CFAP61: variants seen among roughly 807,000 people sequenced by gnomAD.
The protein encoded by CFAP61 is cilia and flagella associated protein 61, also known as cilia- and flagella-associated protein 61.
Under a neutral mutation model 135.6 loss-of-function variants are expected in CFAP61, and 107 were observed. The observed-to-expected ratio is 0.79, with a 90% CI of 0.67 to 0.93. CFAP61 has a LOEUF of 0.93. Among genes scored for constraint, CFAP61 ranks in the 40% least tolerant of loss-of-function variants. The probability of loss-of-function intolerance (pLI) is 0.00; values close to 1 mark genes in which losing one functional copy is unlikely to be tolerated. For missense variants in CFAP61, 1,507 were observed against 1,556.2 expected, an observed-to-expected ratio of 0.97 and a Z score of 0.53; for synonymous variants, 575 against 578.5, an observed-to-expected ratio of 0.99 and a Z score of 0.09.
At chr20:20,296,034 T>G (rs879174969) in intron 24 of CFAP61, among the ~76,000 whole-genome samples, 1 of 31,994 alleles carries the variant, frequency 3.1e-5, no homozygotes, top group African/African-American at 1.2e-4. Context: ...TTCTTTCTTT[T>G]CTTCCTCCCT....
rs114023533 is a variant in CFAP61 at position 20,277,326 on chromosome 20, C to T, written c.2664C>T (p.Asp888=). The T allele has an allele frequency of 2.9e-5, 47 of 1,614,124 alleles. No homozygotes were observed. The African/African-American group carries it at 5.7e-4, about 20-fold the overall frequency. The change falls in exon 22 of 27, where the codon GAC becomes GAT. Residue 888 remains aspartate, a synonymous_variant. Transcript: ENST00000245957. Reference sequence around the variant, plus strand: ...ACTCGGTGGAGAGCGCCGTGGCGGACGCGCTAGGAGCCGCCGGAGTCACTA... The same window carrying T: ...ACTCGGTGGAGAGCGCCGTGGCGGATGCGCTAGGAGCCGCCGGAGTCACTA... ...NNYSVESAVA[D]ALGAAGVTMY... is the part of the protein sequence containing the mutation.
intron 25 of CFAP61, among the ~76,000 whole-genome samples, chr20:20,328,114 A>G (rs1186869967): frequency 6.6e-6 from 1 of 152,214 alleles, no homozygotes; most frequent in Non-Finnish European, 1.5e-5. Flanking sequence ...GAATAAAAAG[A>G]AGGCCAGCGT....
chr20:20,224,366 C>G (rs1481755348), intron 17 of CFAP61, among the ~76,000 whole-genome samples: 1 of 152,158 alleles, frequency 6.6e-6, no homozygotes, highest in East Asian at 1.9e-4. Flanking sequence ...CCCGCAACCC[C>G]CAAGCTCAAC....
intron 25 of CFAP61, among the ~76,000 whole-genome samples, chr20:20,337,302 A>G (rs202185021): frequency 0.01 from 675 of 65,466 alleles, 113 homozygotes; most frequent in East Asian, 0.051. Flanking sequence ...AGATGGATGG[A>G]TGGATGGATG....
At position 20,354,760 on chromosome 20, in the gene CFAP61, A is replaced by G. The variant is rs55706554; in HGVS notation, c.3514-5450A>G. 2.2e-5 allele frequency among the ~76,000 whole-genome samples: 3 copies of G among 134,652 alleles called. No individual in the cohort carries two copies. The East Asian group carries it at 7.1e-4, about 32-fold the overall frequency. 88.3% of individuals were successfully genotyped at this position (134,652 alleles called of 152,430 possible). A position where few individuals can be genotyped will look rare whatever the true frequency, so the allele number is the denominator to read the frequency against. ...GAGAGAAAAAGTAATCATACTGTGA[A>G]AGGGAGGTGGTCACGCTGAGAGGGG... On this transcript the variant is annotated intron_variant, in intron 26 of 26. Coordinates refer to ENST00000245957, the MANE Select transcript of CFAP61 (RefSeq NM_015585.4).
intron 9 of CFAP61, among the ~76,000 whole-genome samples, chr20:20,156,992 T>A (rs1275152881): frequency 1.3e-5 from 2 of 152,190 alleles, no homozygotes; most frequent in Non-Finnish European, 1.5e-5. Context: ...AAAATTTATA[T>A]GAAAATGGAG....
intron 10 of CFAP61, among the ~76,000 whole-genome samples, chr20:20,159,652 C>G (rs2053235625): frequency 6.6e-6 from 1 of 152,156 alleles, no homozygotes; most frequent in African/African-American, 2.4e-5. Flanking sequence ...CTTCTGTATC[C>G]TCTGCATGGC....
chr20:20,070,401 C>A (rs2045620378), intron 2 of CFAP61, among the ~76,000 whole-genome samples: 1 of 152,124 alleles, frequency 6.6e-6, no homozygotes, highest in Non-Finnish European at 1.5e-5. Flanking sequence ...ACCCATTCAT[C>A]CTAGTTTGCC....
intron 25 of CFAP61, among the ~76,000 whole-genome samples, chr20:20,334,540 G>T (rs1016671160): frequency 6.6e-6 from 1 of 152,198 alleles, no homozygotes; most frequent in Non-Finnish European, 1.5e-5. Flanking sequence ...GATTTCTGCT[G>T]AAAATTAGAA....
intron 17 of CFAP61, among the ~76,000 whole-genome samples, chr20:20,214,660 C>T (rs1013288900): frequency 5.3e-5 from 8 of 152,330 alleles, no homozygotes; most frequent in Middle Eastern, 3.4e-3. Flanking sequence ...ATTTCAACCC[C>T]AAGTCACACA....
intron 15 of CFAP61, among the ~76,000 whole-genome samples, chr20:20,195,220 C>T (rs990457630): frequency 1.3e-5 from 2 of 152,184 alleles, no homozygotes; most frequent in Non-Finnish European, 2.9e-5. Flanking sequence ...CCTCGAGGAG[C>T]TTGGCCACAG....
intron 6 of CFAP61, chr20:20,085,645 A>C: frequency 1.7e-6 from 1 of 579,316 alleles, no homozygotes; most frequent in South Asian, 1.6e-5. Flanking sequence ...ACAGAGTAAT[A>C]TTTCTGTGTC....
At chr20:20,107,865 A>G (rs1233801862) in intron 8 of CFAP61, 1 of 152,116 alleles carries the variant, frequency 6.6e-6, no homozygotes, top group Non-Finnish European at 1.5e-5. Context: ...GGCTTTAAGC[A>G]ATCTTCCTGC....
chr20:20,204,380 C>G (rs2056769100), intron 17 of CFAP61, among the ~76,000 whole-genome samples: 1 of 152,162 alleles, frequency 6.6e-6, no homozygotes, highest in African/African-American at 2.4e-5. Context: ...GCCCCTCCCC[C>G]TCAGAGCTAA....
In CFAP61 at chr20:20,297,751, A is replaced by G. The variant is rs980697533; in HGVS notation, c.3217-430A>G. ...GCCTTTTACTTCTTTCTTTTGTTCA[A>G]GTAATCTTGAAAATAACTGAAATTA... On this transcript the variant is annotated intron_variant, in intron 24 of 26. Transcript: ENST00000245957. 2.6e-5 allele frequency among the ~76,000 whole-genome samples: 4 copies of G among 152,232 alleles called. No homozygotes were observed. The South Asian group carries it at 8.3e-4, about 31-fold the overall frequency.
chr20:20,262,809 T>G (rs1383971733), intron 20 of CFAP61, 147 bp from the exon 21 acceptor site: 62 of 423,726 alleles, frequency 1.5e-4, no homozygotes, highest in South Asian at 2.6e-4. Context: ...TTTGTGTTTT[T>G]TTTTTTTTTC....
intron 25 of CFAP61, among the ~76,000 whole-genome samples, chr20:20,315,364 G>A (rs1440029157): frequency 2.0e-5 from 3 of 151,014 alleles, no homozygotes; most frequent in Admixed American, 6.6e-5. Context: ...CATATCCTTC[G>A]CCCACTTTTT....
chr20:20,341,689 G>C (rs1289247373), intron 25 of CFAP61, 142 bp from the exon 26 acceptor site: 11 of 572,218 alleles, frequency 1.9e-5, no homozygotes, highest in Non-Finnish European at 3.4e-5. Flanking sequence ...TGATTGGTCA[G>C]GCTGTTCCAC....
In CFAP61 at chr20:20,251,599, T is replaced by C; in HGVS notation, c.2164T>C (p.Cys722Arg). 2 of 1,614,034 alleles carry C rather than the reference T, an allele frequency of 1.2e-6. No homozygotes were observed. Among genetic ancestry groups the C allele is most frequent in the Admixed American group, 3.3e-5 (2 of 60,028 alleles). ...EQRKFLASDH[C>R]FNDKDYALMS... ...ACGGAGCTTCTCTCTTTGCAGCCAC[T>C]GTTTTAATGATAAAGATTATGCACT... Residue 722 changes from cysteine to arginine, a missense_variant, in exon 20 of 27, where the codon TGT becomes CGT. Physicochemically the swap from Cys to Arg is radical, Grantham distance 180. Transcript: ENST00000245957.
Sources: allele counts gnomAD v4.1 joint callset (sites outside exome capture counted in the v4.1 genomes callset), GRCh38; gene constraint gnomAD v4.1.1; transcripts MANE v1.5; gene names NCBI Gene and HGNC (gene_info 2026-07-23, HGNC 2026-07-21).